CES1: variants seen among roughly 807,000 people sequenced by gnomAD.
CES1 encodes the protein liver carboxylesterase 1.
In CES1, 50 loss-of-function variants were observed where a neutral mutation model predicts 53.0. The observed-to-expected ratio is 0.94, with a 90% CI of 0.75 to 1.19. The LOEUF is 1.19. Among genes scored for constraint, CES1 ranks in the 50% most tolerant of loss-of-function variants. The pLI, the probability that CES1 is intolerant of heterozygous loss-of-function variation, is 0.00. For missense variants in CES1, 534 were observed against 538.0 expected, an observed-to-expected ratio of 0.99 and a Z score of 0.07; for synonymous variants, 202 against 210.1, an observed-to-expected ratio of 0.96 and a Z score of 0.33.
At chr16:55,815,361 A>G (rs1360699760) in intron 8 of CES1, among the ~76,000 whole-genome samples, 2 of 152,216 alleles carry the variant, frequency 1.3e-5, no homozygotes, top group African/African-American at 4.8e-5. Context: ...AAGGAAGGCC[A>G]GTCTGGCTGC....
At chr16:55,812,798 C>T in intron 9 of CES1, 105 bp downstream of exon 9, 13 of 1,513,982 alleles carry the variant, frequency 8.6e-6, no homozygotes, top group Admixed American at 1.7e-5. Flanking sequence ...GGAACAGCTG[C>T]CCAGGACTCA....
rs114194750 is a variant in CES1, at chr16:55,828,961, G to T, written c.66C>A (p.Ser22=). Residue 22 remains serine (S), a synonymous_variant, in exon 2 of 14, where the codon TCC becomes TCA. Transcript: ENST00000360526. ...SASAAWAGHP[S]SPPVVDTVHG... ...GCACGGTGTCCACCACAGGTGGCGAGGACGGATGCCCTGCTGGACATGGAG... is the reference window on the plus strand; with the variant it reads ...GCACGGTGTCCACCACAGGTGGCGATGACGGATGCCCTGCTGGACATGGAG... 2 of 1,610,064 alleles carry T rather than the reference G, an allele frequency of 1.2e-6. No homozygotes were observed. Among genetic ancestry groups the T allele is most frequent in the South Asian group, 2.2e-5 (2 of 90,228 alleles).
chr16:55,820,584 C>G, intron 5 of CES1, 105 bp from the exon 6 acceptor site: 2 of 1,544,944 alleles, frequency 1.3e-6, no homozygotes, highest in East Asian at 2.3e-5. Context: ...CAACACGGGA[C>G]TGAGGAATCC....
rs1328115293 is a variant in CES1 at position 55,812,965 on chromosome 16, A to T, written c.1024T>A (p.Phe342Ile). Residue 342 changes from phenylalanine to isoleucine, a missense_variant, in exon 9 of 14, where the codon TTC (phenylalanine) becomes ATC (isoleucine). By Grantham distance (21) the Phe-to-Ile change is conservative. Coordinates refer to ENST00000360526, the MANE Select transcript of CES1 (RefSeq NM_001025195.2). ...TPEELQAERN[F>I]HTVPYMVGIN... ...CCGACCATGTAGGGGACAGTGTGGA[A>T]ATTCCTTTCAGCTTGAAGCTCTTCA... 1.9e-6 allele frequency: 3 copies of T among 1,614,062 alleles called. No homozygotes were observed. The highest frequency in any genetic ancestry group is 3.3e-5 in the Admixed American group (2 of 60,018).
chr16:55,832,201 C>T (rs1292749315), intron 1 of CES1, among the ~76,000 whole-genome samples: 1 of 152,142 alleles, frequency 6.6e-6, no homozygotes, highest in Non-Finnish European at 1.5e-5. Flanking sequence ...CCTCTTCTAT[C>T]CTTGGAAGCC....
At chr16:55,821,630 G>A in intron 4 of CES1, 109 bp from the exon 5 acceptor site, 2 of 1,214,846 alleles carry the variant, frequency 1.6e-6, no homozygotes, top group Non-Finnish European at 2.4e-6. Context: ...AATAAGGCTG[G>A]GCTTCAGCAT....
chr16:55,818,857 G>C (rs2032056844), intron 7 of CES1, among the ~76,000 whole-genome samples: 1 of 152,174 alleles, frequency 6.6e-6, no homozygotes, highest in East Asian at 1.9e-4. Flanking sequence ...GCGATAATTG[G>C]ATTGTTGATT....
intron 1 of CES1, among the ~76,000 whole-genome samples, chr16:55,831,929 T>A (rs1377321704): frequency 2.6e-5 from 4 of 151,996 alleles, no homozygotes; most frequent in African/African-American, 9.7e-5. Context: ...CACCCCTCTA[T>A]GTACCATGTG....
chr16:55,813,053 G>A lies in CES1; in HGVS notation c.946-10C>T. The A allele has an allele frequency of 6.2e-7, 1 of 1,613,876 alleles. No individual in the cohort carries two copies. Among genetic ancestry groups the A allele is most frequent in the Non-Finnish European group, 8.5e-7 (1 of 1,179,878 alleles). On this transcript the variant is annotated splice_polypyrimidine_tract_variant and intron_variant, in intron 8 of 13. Transcript: ENST00000360526. ...CCAGAAGGGGTTGACTCTGGGGAGA[G>A]AGCAGTGCAGCACCTGTGATTCCCT...
At chr16:55,828,253 G>A in intron 2 of CES1, 1 of 237,506 alleles carries the variant, frequency 4.2e-6, no homozygotes, top group South Asian at 5.5e-5. Context: ...CTCAGGAATA[G>A]GCACACCTGA....
In CES1 at chr16:55,816,971, A is replaced by C; in HGVS notation, c.907-9T>G. 1 of 1,614,202 alleles carries C rather than the reference A, an allele frequency of 6.2e-7. No individual in the cohort carries two copies. The highest frequency in any genetic ancestry group is 8.5e-7 in the Non-Finnish European group (1 of 1,180,026). On this transcript the variant is annotated splice_polypyrimidine_tract_variant and intron_variant, in intron 7 of 13. Coordinates refer to ENST00000360526, the MANE Select transcript of CES1 (RefSeq NM_001025195.2). ...TCCAGAGATAAGAATTTCTGTGAAG[A>C]CAAAGGCAGAGGATGTGGGTGAGAG...
At position 55,832,437 on chromosome 16, in the gene CES1, G is replaced by C. The variant is rs114613328; in HGVS notation, c.52+567C>G. ...CTTTATTTATCCATCCCTTTTTCGT[G>C]CTTTCTACATACCAGGCGCTGCCAA... On this transcript the variant is annotated intron_variant, in intron 1 of 13. Transcript: ENST00000360526. 9.6e-3 allele frequency among the ~76,000 whole-genome samples: 1,460 copies of C among 152,054 alleles called. 23 individuals carry two copies. Among genetic ancestry groups the C allele is most frequent in the African/African-American group, 0.029 (1,203 of 41,484 alleles).
At chr16:55,821,583 C>T in intron 4 of CES1, 62 bp from the exon 5 acceptor site, 2 of 1,580,410 alleles carry the variant, frequency 1.3e-6, no homozygotes, top group Non-Finnish European at 1.7e-6. Flanking sequence ...CCTTCAGGAC[C>T]ACAGATGGGG....
At chr16:55,813,839 T>C (rs1393217843) in intron 8 of CES1, among the ~76,000 whole-genome samples, 1 of 152,216 alleles carries the variant, frequency 6.6e-6, no homozygotes, top group African/African-American at 2.4e-5. Flanking sequence ...CACACGGCAC[T>C]AAATAGACCG....
chr16:55,829,784 A>C (rs1270888316), intron 1 of CES1, among the ~76,000 whole-genome samples: 2 of 152,244 alleles, frequency 1.3e-5, no homozygotes, highest in Admixed American at 1.3e-4. Flanking sequence ...GGATGTGATC[A>C]GGTCAAGGAA....
Position 55,826,330 on chromosome 16 carries a change from G to A in CES1, c.261-35C>T, listed in dbSNP as rs142484605. On this transcript the variant is annotated intron_variant, in intron 2 of 13. Transcript: ENST00000360526. Reference sequence around the variant, plus strand: ...GGGAAAGAAGAACCCCTGAAGTTCAGCCAGATCTAAGCGAGGTGTTTTCTA... The same window carrying A: ...GGGAAAGAAGAACCCCTGAAGTTCAACCAGATCTAAGCGAGGTGTTTTCTA... The A allele has an allele frequency of 5.0e-6, 8 of 1,613,718 alleles. No individual in the cohort carries two copies. The East Asian group carries it at 1.8e-4, about 36-fold the overall frequency.
At position 55,817,443 on chromosome 16, in the gene CES1, C is replaced by T. The variant is rs1455544912; in HGVS notation, c.907-481G>A. Among the ~76,000 whole-genome samples, 3 of 152,330 alleles carry T rather than the reference C, an allele frequency of 2.0e-5. No individual in the cohort carries two copies. In the East Asian group the frequency reaches 5.8e-4, roughly 29 times the overall value. ...CACATTTCTTTTTCTGTTCAAGGTA[C>T]TTGGGAGAGTTTCCTCATCTCCCAT... is the stretch of plus-strand genomic sequence containing the variant. On this transcript the variant is annotated intron_variant, in intron 7 of 13. Coordinates refer to ENST00000360526, the MANE Select transcript of CES1 (RefSeq NM_001025195.2).
At chr16:55,821,210 T>G (rs1174874440) in intron 5 of CES1, among the ~76,000 whole-genome samples, 158 bp downstream of exon 5, 5 of 147,910 alleles carry the variant, frequency 3.4e-5, no homozygotes, top group African/African-American at 1.2e-4. Context: ...AGAGCTGGTC[T>G]TTAGCTTTCT....
intron 8 of CES1, 49 bp downstream of exon 8, chr16:55,816,875 A>T: frequency 6.4e-7 from 1 of 1,574,202 alleles, no homozygotes; most frequent in Non-Finnish European, 8.7e-7. Context: ...ATTGGAGCTT[A>T]AAGGTGCTAA....
Sources: gnomAD v4.1 joint callset for allele counts (sites outside exome capture counted in the v4.1 genomes callset) on GRCh38, gnomAD v4.1.1 for gene constraint, MANE v1.5 for transcripts, NCBI Gene and HGNC (gene_info 2026-07-23, HGNC 2026-07-21) for gene names.